ATP8B4: variants seen among roughly 807,000 people sequenced by gnomAD.
ATP8B4 encodes ATPase phospholipid transporting 8B4 (putative).
ATP8B4 carries 133 observed loss-of-function variants against 145.6 expected under a neutral mutation model. The observed-to-expected ratio is 0.91, with a 90% CI of 0.79 to 1.05. The LOEUF is 1.05. Among genes scored for constraint, ATP8B4 ranks in the 50% least tolerant of loss-of-function variants. ATP8B4 has a pLI of 0.00. For synonymous variants in ATP8B4, 507 were observed against 492.9 expected (o/e 1.03, Z -0.38); for missense variants, 1,458 against 1,425.2 (o/e 1.02, Z -0.37).
rs1237390245 is a variant in ATP8B4 at position 50,097,877 on chromosome 15, T to G, written c.28+9062A>C. 6.6e-5 allele frequency among the ~76,000 whole-genome samples: 10 copies of G among 152,362 alleles called. No homozygotes were observed. In the East Asian group the frequency reaches 1.9e-3, roughly 29 times the overall value. On this transcript the variant is annotated intron_variant, in intron 2 of 27. Coordinates refer to ENST00000284509, the MANE Select transcript of ATP8B4 (RefSeq NM_024837.4). Reference sequence around the variant, plus strand: ...ATTTACATACTGCTTTTATAATTTATGAGTTACTTCACATATATTTCATTT... The same window carrying G: ...ATTTACATACTGCTTTTATAATTTAGGAGTTACTTCACATATATTTCATTT...
At chr15:50,013,192 G>T (rs1162755644) in intron 6 of ATP8B4, among the ~76,000 whole-genome samples, 1 of 152,056 alleles carries the variant, frequency 6.6e-6, no homozygotes, top group Non-Finnish European at 1.5e-5. Flanking sequence ...ATTTTAGCTT[G>T]TATGGTGATT....
At chr15:50,110,201 T>C (rs567884688) in intron 1 of ATP8B4, among the ~76,000 whole-genome samples, 32 of 152,356 alleles carry the variant, frequency 2.1e-4, no homozygotes, top group African/African-American at 7.5e-4. Context: ...TTAATGATCC[T>C]AGTCAAGTGT....
chr15:50,008,843 G>T (rs981002911), intron 7 of ATP8B4, among the ~76,000 whole-genome samples: 18 of 152,256 alleles, frequency 1.2e-4, no homozygotes, highest in African/African-American at 4.3e-4. Flanking sequence ...GTTAGAGCAC[G>T]TTCATGGGGC....
chr15:50,086,614 TAATAA>T (rs1260642100), intron 2 of ATP8B4, among the ~76,000 whole-genome samples: 3 of 115,550 alleles, frequency 2.6e-5, no homozygotes, highest in African/African-American at 7.6e-5. Flanking sequence ...TTATTATATA[TAATAA>T]AATAATAGAG....
chr15:49,896,206 A>G (rs983248061), intron 23 of ATP8B4: 2 of 152,228 alleles, frequency 1.3e-5, no homozygotes, highest in African/African-American at 4.8e-5. Context: ...GATTAACAAA[A>G]AAAAGGCAAA....
chr15:50,015,435 A>G (rs1292027940), intron 6 of ATP8B4, among the ~76,000 whole-genome samples: 3 of 152,248 alleles, frequency 2.0e-5, no homozygotes, highest in African/African-American at 7.2e-5. Context: ...GTCTGGGACC[A>G]GAACCCAAGT....
At chr15:50,049,092 G>A (rs1206735728) in intron 3 of ATP8B4, among the ~76,000 whole-genome samples, 1 of 152,152 alleles carries the variant, frequency 6.6e-6, no homozygotes, top group Non-Finnish European at 1.5e-5. Flanking sequence ...TTTCGCACAG[G>A]ATCATCCCAC....
intron 23 of ATP8B4, among the ~76,000 whole-genome samples, chr15:49,886,619 T>G (rs1202301292): frequency 6.6e-6 from 1 of 152,206 alleles, no homozygotes; most frequent in Non-Finnish European, 1.5e-5. Flanking sequence ...ATGAGTACCT[T>G]GGTACAATTA....
chr15:50,091,905 A>G (rs1437340271), intron 2 of ATP8B4, among the ~76,000 whole-genome samples: 2 of 152,178 alleles, frequency 1.3e-5, no homozygotes, highest in African/African-American at 4.8e-5. Context: ...GATAAATGCT[A>G]GAGGAAATAT....
At chr15:50,055,392 T>C (rs1460842661) in intron 3 of ATP8B4, among the ~76,000 whole-genome samples, 2 of 152,200 alleles carry the variant, frequency 1.3e-5, no homozygotes, top group Non-Finnish European at 1.5e-5. Context: ...TTTTAAATAA[T>C]AGCTTACTTG....
At chr15:49,942,720 G>A (rs1474148973) in intron 14 of ATP8B4, among the ~76,000 whole-genome samples, 2 of 152,094 alleles carry the variant, frequency 1.3e-5, no homozygotes, top group Admixed American at 1.3e-4. Context: ...AGCTACTCGG[G>A]AGGCTGAGGC....
At chr15:49,919,706 C>G (rs901358225) in intron 18 of ATP8B4, among the ~76,000 whole-genome samples, 20 of 152,230 alleles carry the variant, frequency 1.3e-4, no homozygotes, top group East Asian at 7.7e-4. Context: ...TGTGAGCCAC[C>G]GCGCCCGGCC....
intron 7 of ATP8B4, among the ~76,000 whole-genome samples, chr15:50,003,307 T>C (rs575691054): frequency 1.3e-5 from 2 of 151,802 alleles, no homozygotes; most frequent in South Asian, 2.1e-4. Context: ...TGTGTGTGTG[T>C]GTGTGGTTTT....
chr15:50,078,383 C>A (rs2054323910), intron 2 of ATP8B4, among the ~76,000 whole-genome samples: 1 of 151,652 alleles, frequency 6.6e-6, no homozygotes, highest in Admixed American at 6.6e-5. Flanking sequence ...ATCCATGAAA[C>A]AAGAACAAGC....
rs571840648 is a variant in ATP8B4 at position 50,153,446 on chromosome 15, C to T, written c.-43+28815G>A. 1.6e-4 allele frequency among the ~76,000 whole-genome samples: 24 copies of T among 151,706 alleles called. 1 individual carries two copies. In the East Asian group the frequency reaches 4.3e-3, roughly 27 times the overall value. On this transcript the variant is annotated intron_variant, in intron 1 of 3. Transcript: ENST00000558829. ...CTCCGCCCCCCAGGTTCAAGCGATT[C>T]TCCTGCCTCCATCTCCTGAGTAGCG... is the stretch of plus-strand genomic sequence containing the variant.
In ATP8B4 at chr15:49,860,278, A is replaced by G; in HGVS notation, c.3495T>C (p.Asn1165=). The G allele has an allele frequency of 6.2e-7, 1 of 1,614,166 alleles. No homozygotes were observed. Among genetic ancestry groups the G allele is most frequent in the Non-Finnish European group, 8.5e-7 (1 of 1,179,992 alleles). Reference sequence around the variant, plus strand: ...ATAAATTTTCAATCCAGCTAGTGCTATTATAATGTGTCTTTTCCAGCCCTG... The same window carrying G: ...ATAAATTTTCAATCCAGCTAGTGCTGTTATAATGTGTCTTTTCCAGCCCTG... The part of the protein sequence containing the change: ...PTSGLEKTHY[N]STSWIENLCK... Residue 1165 remains asparagine, a synonymous_variant, in exon 28 of 28, where the codon AAT becomes AAC. Transcript: ENST00000284509.
intron 1 of ATP8B4, among the ~76,000 whole-genome samples, chr15:50,174,490 C>T (rs917143584): frequency 1.3e-5 from 2 of 149,804 alleles, no homozygotes; most frequent in African/African-American, 4.9e-5. Context: ...AGCTCTTCTA[C>T]ATACCAACAA....
intron 14 of ATP8B4, among the ~76,000 whole-genome samples, chr15:49,955,688 G>T (rs2043499015): frequency 6.6e-6 from 1 of 152,116 alleles, no homozygotes; most frequent in South Asian, 2.1e-4. Flanking sequence ...ATATTATTCA[G>T]CCATAAAAAA....
At chr15:50,132,676 C>T (rs1389627011) in intron 1 of ATP8B4, among the ~76,000 whole-genome samples, 1 of 152,206 alleles carries the variant, frequency 6.6e-6, no homozygotes, top group African/African-American at 2.4e-5. Flanking sequence ...TTTACTGCAG[C>T]ACTATTCACA....
Sources: allele counts gnomAD v4.1 joint callset (sites outside exome capture counted in the v4.1 genomes callset), GRCh38; gene constraint gnomAD v4.1.1; transcripts MANE v1.5; gene names NCBI Gene and HGNC (gene_info 2026-07-23, HGNC 2026-07-21).